DEDD2: variants seen among roughly 807,000 people sequenced by gnomAD.
DEDD2 encodes the protein death effector domain containing 2.
DEDD2 carries 18 observed loss-of-function variants against 28.9 expected under a neutral mutation model. The ratio of observed to expected loss-of-function variants is 0.62; its 90% CI spans 0.43 to 0.92. The LOEUF (loss-of-function observed/expected upper bound fraction) is 0.92, where lower values mean the gene tolerates loss of function less well. Ranked by LOEUF, DEDD2 falls within the 40% of genes least tolerant of loss-of-function variation. The probability of loss-of-function intolerance (pLI) is 0.00; values close to 1 mark genes in which losing one functional copy is unlikely to be tolerated. For synonymous variants in DEDD2, 211 were observed against 206.1 expected, an observed-to-expected ratio of 1.02 and a Z score of -0.20; for missense variants, 411 against 463.3, an observed-to-expected ratio of 0.89 and a Z score of 1.04.
chr19:42,210,599 GGC>G (rs2035718515), intron 3 of DEDD2, among the ~76,000 whole-genome samples: 1 of 151,810 alleles, frequency 6.6e-6, no homozygotes, highest in South Asian at 2.1e-4. Context: ...TCACCATGTT[GGC>G]CAGGCTGGTC....
chr19:42,215,522 C>G (rs138491006), intron 2 of DEDD2, among the ~76,000 whole-genome samples: 1 of 152,352 alleles, frequency 6.6e-6, no homozygotes, highest in East Asian at 1.9e-4. Flanking sequence ...CCTGTAATGG[C>G]CCTTTGCCCT....
At chr19:42,209,134 G>T (rs868358763) in intron 4 of DEDD2, among the ~76,000 whole-genome samples, 1 of 152,162 alleles carries the variant, frequency 6.6e-6, no homozygotes, top group South Asian at 2.1e-4. Flanking sequence ...CCAGCTACTT[G>T]GGAGGCTGAG....
chr19:42,209,828 G>A lies in DEDD2; in HGVS notation c.461C>T (p.Thr154Ile), dbSNP rs772092731. 3 of 1,542,148 alleles carry A rather than the reference G, an allele frequency of 1.9e-6. No individual in the cohort carries two copies. The highest frequency in any genetic ancestry group is 1.2e-5 in the South Asian group (1 of 83,224). ...QGQWETGSPPTKRQRRSRGRP... is the reference protein window; with the variant it reads ...QGQWETGSPPIKRQRRSRGRP... Reference sequence around the variant, plus strand: ...GCCCCGACTCCGCCGCTGCCGCTTGGTTGGGGGGGAGCCTGAGGGGAAAAA... The same window carrying A: ...GCCCCGACTCCGCCGCTGCCGCTTGATTGGGGGGGAGCCTGAGGGGAAAAA... Residue 154 changes from threonine to isoleucine, a missense_variant, in exon 4 of 5, where the codon ACC becomes ATC. By Grantham distance (89) the Thr-to-Ile change is moderately conservative (BLOSUM62 -1). Transcript: ENST00000596251.
At chr19:42,215,757 C>A (rs1398342149) in intron 2 of DEDD2, among the ~76,000 whole-genome samples, 1 of 152,170 alleles carries the variant, frequency 6.6e-6, no homozygotes, top group Non-Finnish European at 1.5e-5. Flanking sequence ...CCTTTAGTAA[C>A]CCAGACAAAG....
Position 42,199,583 on chromosome 19 carries a change from A to G in DEDD2, c.836T>C (p.Phe279Ser). 6.2e-7 allele frequency: 1 copy of G among 1,614,056 alleles called. No homozygotes were observed. Among genetic ancestry groups the G allele is most frequent in the Non-Finnish European group, 8.5e-7 (1 of 1,179,966 alleles). Reference protein sequence around the residue: ...GALLQALRGVFLTEALREAVG... With the variant: ...GALLQALRGVSLTEALREAVG... ...AGCCTCTCGCAGGGCCTCAGTCAGG[A>G]ACACGCCCCGCAGGGCCTGCAGCAG... Residue 279 changes from phenylalanine to serine, a missense_variant, in exon 5 of 5, where the codon TTC becomes TCC. Transcript: ENST00000596251. The surrounding 1 kb of genome is among the most constrained non-coding windows in gnomAD (Gnocchi z 7.4).
At chr19:42,211,005 G>A (rs1481637134) in intron 3 of DEDD2, among the ~76,000 whole-genome samples, 1 of 151,134 alleles carries the variant, frequency 6.6e-6, no homozygotes, top group East Asian at 2.0e-4. Context: ...AGGAGCTGGA[G>A]GCTGCAGTGA....
chr19:42,209,673 G>C (rs372272526), intron 4 of DEDD2, 27 bp downstream of exon 4: 1 of 1,597,888 alleles, frequency 6.3e-7, no homozygotes, highest in Non-Finnish European at 8.5e-7. Context: ...CACTCTACAT[G>C]CATTGCCAAA....
intron 4 of DEDD2, chr19:42,201,827 C>T (rs1026148079): frequency 4.6e-5 from 18 of 394,456 alleles, no homozygotes; most frequent in African/African-American, 2.1e-5. Flanking sequence ...TCTACCCAGA[C>T]GACCAGATCC....
upstream of DEDD2, among the ~76,000 whole-genome samples, chr19:42,219,588 T>C (rs187381847): frequency 3.3e-3 from 508 of 152,154 alleles, 5 homozygotes; most frequent in African/African-American, 0.012. Flanking sequence ...GGCGACAGAG[T>C]GAGACTCCGT....
intron 2 of DEDD2, 61 bp downstream of exon 2, chr19:42,216,619 G>T: frequency 6.8e-7 from 1 of 1,470,516 alleles, no homozygotes; most frequent in Non-Finnish European, 9.0e-7. Flanking sequence ...CACCAGGGAG[G>T]CCCAGCGGGA....
rs746202718 is a variant in DEDD2, at chr19:42,216,725, G to A, written c.283C>T (p.Arg95Cys). The A allele has an allele frequency of 3.1e-6, 5 of 1,590,858 alleles. No individual in the cohort carries two copies. The African/African-American group carries it at 6.7e-5, about 21-fold the overall frequency. The stretch of plus-strand genomic sequence containing the variant: ...GCCAGGTGCGGCAGCAGGTCGTGGC[G>A]GGCCAGCACGCGCAGGAGTTGCCCC... The part of the protein sequence containing the change: ...LLGQLLRVLA[R>C]HDLLPHLARK... Residue 95 changes from arginine (R) to cysteine (C), a missense_variant, in exon 2 of 5, where the codon CGC becomes TGC. Physicochemically the swap from Arg to Cys is radical, Grantham distance 180 (BLOSUM62 -3). This residue lies in a region of DEDD2 where 282 missense variants were observed against 273.4 expected (regional missense o/e 1.03). Transcript: ENST00000596251.
upstream of DEDD2, among the ~76,000 whole-genome samples, chr19:42,217,916 C>G (rs28364793): frequency 6.6e-6 from 1 of 152,180 alleles, no homozygotes; most frequent in African/African-American, 2.4e-5. Context: ...ATCTGGTACC[C>G]GGTTCCAGGT....
In DEDD2 at chr19:42,217,485, G is replaced by C. The variant is rs1477759229; in HGVS notation, c.-39+147C>G. 5 of 187,924 alleles carry C rather than the reference G, an allele frequency of 2.7e-5. No individual in the cohort carries two copies. In the South Asian group the frequency reaches 4.3e-4, roughly 16 times the overall value. The allele number at this position is 187,924 out of a possible 1,614,324, so 11.6% of individuals were successfully genotyped here. A position where few individuals can be genotyped will look rare whatever the true frequency, so the allele number is the denominator to read the frequency against. ...CCCTCTGCCCCCTACACAGAGGAGC[G>C]ACCCAGGCAGCCCCTTTGCTCCACA... On this transcript the variant is annotated intron_variant, in intron 1 of 4. Transcript: ENST00000596251.
At chr19:42,209,652 C>A in intron 4 of DEDD2, 48 bp downstream of exon 4, 1 of 1,554,004 alleles carries the variant, frequency 6.4e-7, no homozygotes, top group South Asian at 1.2e-5. Flanking sequence ...ACCCTCTGAA[C>A]CCACCCGGGG....
intron 3 of DEDD2, chr19:42,211,966 G>A (rs1422988808): frequency 1.3e-5 from 2 of 151,976 alleles, no homozygotes; most frequent in Non-Finnish European, 2.9e-5. Flanking sequence ...GAACCCGGGA[G>A]GCGGAGGTTG....
At position 42,216,991 on chromosome 19, in the gene DEDD2, G is replaced by A. The variant is rs1371961032; in HGVS notation, c.17C>T (p.Ser6Leu). Residue 6 changes from serine (S) to leucine (L), a missense_variant, in exon 2 of 5, where the codon TCG (serine) becomes TTG (leucine). This residue lies in a region of DEDD2 where 282 missense variants were observed against 273.4 expected (regional missense o/e 1.03). Transcript: ENST00000596251. MALSG[S>L]TPAPCWEEDE... ...CTCCTCCCAGCACGGGGCCGGGGTC[G>A]ACCCGGATAGCGCCATTCCCGGGGG... 25 of 1,591,088 alleles carry A rather than the reference G, an allele frequency of 1.6e-5. No homozygotes were observed. Among genetic ancestry groups the A allele is most frequent in the Non-Finnish European group, 1.8e-5 (21 of 1,169,458 alleles).
chr19:42,202,891 T>TG (rs919532486), intron 4 of DEDD2, among the ~76,000 whole-genome samples: 2 of 152,240 alleles, frequency 1.3e-5, no homozygotes, highest in Non-Finnish European at 2.9e-5. Context: ...TCTGAGCCTC[T>TG]GCTCCACCCT....
chr19:42,201,796 T>C (rs993247745), intron 4 of DEDD2: 5 of 388,698 alleles, frequency 1.3e-5, no homozygotes, highest in Middle Eastern at 6.3e-4. Context: ...GGCCCTCCCA[T>C]GGCATTCAGA....
intron 4 of DEDD2, among the ~76,000 whole-genome samples, chr19:42,206,998 C>G (rs548020586): frequency 6.6e-6 from 1 of 152,174 alleles, no homozygotes; most frequent in Admixed American, 6.5e-5. Flanking sequence ...CCCTGGTTAA[C>G]GACCTCCTCG....
Sources: gnomAD v4.1 joint callset for allele counts (sites outside exome capture counted in the v4.1 genomes callset) on GRCh38, gnomAD v4.1.1 for gene constraint, gnomAD v4.1.1 regional missense constraint, Gnocchi (gnomAD v3.1) non-coding constraint, MANE v1.5 for transcripts, NCBI Gene and HGNC (gene_info 2026-07-23, HGNC 2026-07-21) for gene names.